Variants in CDK7 observed in about 807,000 individuals in gnomAD.
CDK7 encodes the protein cyclin dependent kinase 7.
Under a neutral mutation model 49.1 loss-of-function variants are expected in CDK7, and 25 were observed. The ratio of observed to expected loss-of-function variants is 0.51; its 90% CI spans 0.37 to 0.71. The LOEUF (loss-of-function observed/expected upper bound fraction) is 0.71. CDK7 is among the 30% of genes least tolerant of loss of function. The pLI, the probability that CDK7 is intolerant of heterozygous loss-of-function variation, is 0.00. For synonymous variants in CDK7, 107 were observed against 140.0 expected (o/e 0.76, Z 1.67); for missense variants, 316 against 411.7 (o/e 0.77, Z 2.01).
intron 5 of CDK7, chr5:69,255,799 G>T: frequency 2.2e-6 from 1 of 448,960 alleles, no homozygotes; most frequent in South Asian, 2.3e-5. Flanking sequence ...TTGGAGAAAT[G>T]AGCATTAGAC....
chr5:69,264,357 G>A (rs1457678164), intron 8 of CDK7, among the ~76,000 whole-genome samples: 1 of 152,156 alleles, frequency 6.6e-6, no homozygotes, highest in Admixed American at 6.6e-5. Context: ...AAAGTAAGCT[G>A]CAAAACTCTT....
At chr5:69,272,850 G>A in intron 9 of CDK7, 42 bp from the exon 10 acceptor site, 1 of 1,308,966 alleles carries the variant, frequency 7.6e-7, no homozygotes, top group Non-Finnish European at 1.1e-6. Flanking sequence ...CAATCTATAT[G>A]CCTTTAATCC....
chr5:69,268,647 T>C (rs933335305), intron 8 of CDK7, among the ~76,000 whole-genome samples: 9 of 143,554 alleles, frequency 6.3e-5, no homozygotes, highest in African/African-American at 2.4e-4. Flanking sequence ...TGTCAGGAGA[T>C]CGAGACCATT....
At chr5:69,261,302 CAG>C (rs1181027530) in intron 7 of CDK7, among the ~76,000 whole-genome samples, 1 of 152,188 alleles carries the variant, frequency 6.6e-6, no homozygotes, top group Non-Finnish European at 1.5e-5. Context: ...GCATTGTTAA[CAG>C]AGCTTTCTCA....
chr5:69,235,060 A>C lies in CDK7; in HGVS notation c.66+19A>C, dbSNP rs372268168. ...GGGACAGGTGAGGCTCTCTGGAAGG[A>C]CGGGGAGGGCCCCAAGCGGACAGCC... is the stretch of plus-strand genomic sequence containing the variant. On this transcript the variant is annotated intron_variant, in intron 1 of 11. Coordinates refer to ENST00000256443, the MANE Select transcript of CDK7 (RefSeq NM_001799.4). 1.9e-6 allele frequency: 3 copies of C among 1,590,886 alleles called. No homozygotes were observed. The East Asian group carries it at 6.8e-5, about 36-fold the overall frequency.
At chr5:69,246,622 A>G (rs944290508) in intron 2 of CDK7, among the ~76,000 whole-genome samples, 3 of 145,356 alleles carry the variant, frequency 2.1e-5, no homozygotes, top group Non-Finnish European at 4.6e-5. Context: ...GATTTTTATT[A>G]TTTTCTTCTA....
chr5:69,243,025 A>G (rs1749491719), intron 2 of CDK7, among the ~76,000 whole-genome samples: 1 of 152,196 alleles, frequency 6.6e-6, no homozygotes, highest in African/African-American at 2.4e-5. Flanking sequence ...AGCCTGGGCA[A>G]CAAGAGCAAA....
intron 2 of CDK7, among the ~76,000 whole-genome samples, chr5:69,246,430 C>G (rs1467968883): frequency 6.6e-6 from 1 of 151,980 alleles, no homozygotes; most frequent in South Asian, 2.1e-4. Flanking sequence ...CCACCGCACC[C>G]GGCCAGAAGT....
intron 8 of CDK7, among the ~76,000 whole-genome samples, chr5:69,264,876 A>G (rs1212657699): frequency 6.6e-6 from 1 of 152,108 alleles, no homozygotes; most frequent in Non-Finnish European, 1.5e-5. Flanking sequence ...AGGCTGAGGC[A>G]GGAGAATCGC....
At chr5:69,234,801 C>T, upstream of CDK7, 1 of 640,608 alleles carries the variant, frequency 1.6e-6, no homozygotes, top group Non-Finnish European at 2.7e-6. Context: ...GTGGGGAACG[C>T]CAACCGCCTG....
chr5:69,236,745 G>A (rs538969382), intron 2 of CDK7, among the ~76,000 whole-genome samples: 7 of 151,526 alleles, frequency 4.6e-5, no homozygotes, highest in Non-Finnish European at 7.4e-5. Flanking sequence ...TCTGCCTCCC[G>A]GGTTCAAGCA....
chr5:69,246,308 T>C (rs1418097466), intron 2 of CDK7, among the ~76,000 whole-genome samples: 1 of 152,130 alleles, frequency 6.6e-6, no homozygotes, highest in Non-Finnish European at 1.5e-5. Flanking sequence ...GGCCGATGTT[T>C]GTATTTTTAG....
At chr5:69,266,082 C>T (rs34261117) in intron 8 of CDK7, among the ~76,000 whole-genome samples, 42,398 of 151,720 alleles carry the variant, frequency 0.28, 6,514 homozygotes, top group East Asian at 0.39. Flanking sequence ...CTGGGGTTCA[C>T]CTTTAATTGG....
chr5:69,273,326 A>T (rs948382992), intron 10 of CDK7, among the ~76,000 whole-genome samples: 11 of 148,224 alleles, frequency 7.4e-5, no homozygotes, highest in Non-Finnish European at 1.3e-4. Flanking sequence ...TAAATACTTT[A>T]CTTAGAAAAA....
intron 2 of CDK7, among the ~76,000 whole-genome samples, chr5:69,249,611 G>C (rs955672533): frequency 6.6e-6 from 1 of 152,150 alleles, no homozygotes; most frequent in Non-Finnish European, 1.5e-5. Flanking sequence ...ACTTTGGGAG[G>C]CCACGGTGGG....
intron 8 of CDK7, among the ~76,000 whole-genome samples, chr5:69,266,321 G>T (rs1325871500): frequency 2.0e-5 from 3 of 152,196 alleles, no homozygotes; most frequent in African/African-American, 7.2e-5. Context: ...GGGTGCGGTG[G>T]CTTATGCCTG....
chr5:69,238,256 A>T (rs978853696), intron 2 of CDK7, among the ~76,000 whole-genome samples: 2 of 151,428 alleles, frequency 1.3e-5, no homozygotes, highest in East Asian at 3.9e-4. Context: ...ATCTCAAAAC[A>T]ATATATAGTA....
chr5:69,248,802 C>CTTTTTTTTTTTTTTTT (rs70992911), intron 2 of CDK7, among the ~76,000 whole-genome samples: 23 of 92,262 alleles, frequency 2.5e-4, no homozygotes, highest in African/African-American at 3.7e-4. Flanking sequence ...TTTTTTTTTT[C>CTTTTTTTTTTTTTTTT]TTTTTTTTTT....
At chr5:69,250,728 C>T (rs898776671) in intron 2 of CDK7, 1 of 456,666 alleles carries the variant, frequency 2.2e-6, no homozygotes, top group Non-Finnish European at 4.4e-6. Context: ...ACTCTTCCCT[C>T]TCATTTTCTC....
Sources: allele counts gnomAD v4.1 joint callset (sites outside exome capture counted in the v4.1 genomes callset), GRCh38; gene constraint gnomAD v4.1.1; transcripts MANE v1.5; gene names NCBI Gene and HGNC (gene_info 2026-07-23, HGNC 2026-07-21).